Variants in EPHA3 observed in about 807,000 individuals in gnomAD.
EPHA3 encodes EPH receptor A3.
In EPHA3, 42 loss-of-function variants were observed where a neutral mutation model predicts 107.1. The ratio of observed to expected loss-of-function variants is 0.39; its 90% CI spans 0.31 to 0.51. The LOEUF (loss-of-function observed/expected upper bound fraction) is 0.51, where lower values mean the gene tolerates loss of function less well. Ranked by LOEUF, EPHA3 falls within the 20% of genes least tolerant of loss-of-function variation. EPHA3 has a pLI of 0.78. For missense variants in EPHA3, 1,183 were observed against 1,211.2 expected, an observed-to-expected ratio of 0.98 and a Z score of 0.35; for synonymous variants, 461 against 424.8, an observed-to-expected ratio of 1.09 and a Z score of -1.05.
chr3:89,342,012 G>A lies in EPHA3; in HGVS notation c.1228G>A (p.Asp410Asn), dbSNP rs1707537340. The change falls in exon 5 of 17, where the codon GAT (aspartate) becomes AAT (asparagine). Residue 410 changes from aspartate (D) to asparagine (N), a missense_variant. Physicochemically the swap from Asp to Asn is conservative, Grantham distance 23. Coordinates refer to ENST00000336596, the MANE Select transcript of EPHA3 (RefSeq NM_005233.6). ...LAHTNYTFEI[D>N]AVNGVSELSS... ...ACATACTAACTACACCTTTGAGATT[G>A]ATGCCGTTAATGGGGTGTCAGAGCT... The A allele has an allele frequency of 6.2e-7, 1 of 1,612,498 alleles. No homozygotes were observed. The highest frequency in any genetic ancestry group is 8.5e-7 in the Non-Finnish European group (1 of 1,179,722).
intron 1 of EPHA3, among the ~76,000 whole-genome samples, chr3:89,113,738 TGG>T (rs140518086): frequency 7.1e-6 from 1 of 141,476 alleles, no homozygotes; most frequent in Admixed American, 7.5e-5. Flanking sequence ...GGGGTTGAGG[TGG>T]GGGGGGGCTG....
intron 6 of EPHA3, among the ~76,000 whole-genome samples, chr3:89,396,602 C>T (rs757279319): frequency 8.9e-4 from 135 of 152,056 alleles, no homozygotes; most frequent in Non-Finnish European, 1.4e-3. Flanking sequence ...AGTGGAGTGG[C>T]GAGTATTCCA....
intron 5 of EPHA3, among the ~76,000 whole-genome samples, chr3:89,342,703 G>A (rs1411429591): frequency 2.0e-5 from 3 of 152,012 alleles, no homozygotes; most frequent in African/African-American, 7.3e-5. Flanking sequence ...ACTGATAAAT[G>A]AGTAATAAAC....
intron 3 of EPHA3, among the ~76,000 whole-genome samples, chr3:89,259,722 T>C (rs1419259549): frequency 2.6e-5 from 4 of 152,180 alleles, no homozygotes; most frequent in Non-Finnish European, 2.9e-5. Context: ...AAATTTCTAA[T>C]ACAATATAAT....
At chr3:89,437,542 T>A (rs1709697512) in intron 13 of EPHA3, among the ~76,000 whole-genome samples, 1 of 152,228 alleles carries the variant, frequency 6.6e-6, no homozygotes, top group South Asian at 2.1e-4. Flanking sequence ...TACTTCATTC[T>A]AACAGAATCA....
At chr3:89,152,035 T>C (rs1470246558) in intron 2 of EPHA3, among the ~76,000 whole-genome samples, 2 of 152,082 alleles carry the variant, frequency 1.3e-5, no homozygotes, top group African/African-American at 4.8e-5. Flanking sequence ...GAAATGTTTG[T>C]TTTAATGAAG....
chr3:89,422,087 G>A (rs1324439016), intron 11 of EPHA3, among the ~76,000 whole-genome samples: 1 of 150,828 alleles, frequency 6.6e-6, no homozygotes, highest in Non-Finnish European at 1.5e-5. Context: ...CCTAGAATTA[G>A]ATTTTGAACT....
intron 3 of EPHA3, among the ~76,000 whole-genome samples, chr3:89,273,057 T>A (rs1705717600): frequency 1.3e-5 from 2 of 151,950 alleles, no homozygotes. Flanking sequence ...AGGCCAAAAA[T>A]ACATTTGGTT....
intron 9 of EPHA3, among the ~76,000 whole-genome samples, chr3:89,411,045 TTAA>T (rs1372435671): frequency 6.6e-6 from 1 of 151,878 alleles, no homozygotes; most frequent in Non-Finnish European, 1.5e-5. Context: ...ATCAATTATA[TTAA>T]TAATTGTAAA....
Position 89,399,186 on chromosome 3 carries a change from A to G in EPHA3, c.1432-132A>G, listed in dbSNP as rs1576358516. The G allele has an allele frequency of 6.9e-6, 6 of 866,018 alleles. No homozygotes were observed. The East Asian group carries it at 1.1e-4, about 15-fold the overall frequency. 53.6% of individuals were successfully genotyped at this position (866,018 alleles called of 1,614,324 possible). On this transcript the variant is annotated intron_variant, in intron 6 of 16. Coordinates refer to ENST00000336596, the MANE Select transcript of EPHA3 (RefSeq NM_005233.6). ...GAATAAAATAATTGAAATAATCGATATGACTTTTTAAATCCATCCTATGAT... is the reference window on the plus strand; with the variant it reads ...GAATAAAATAATTGAAATAATCGATGTGACTTTTTAAATCCATCCTATGAT...
intron 3 of EPHA3, among the ~76,000 whole-genome samples, chr3:89,285,317 A>G (rs1272234246): frequency 6.6e-6 from 1 of 152,128 alleles, no homozygotes; most frequent in Non-Finnish European, 1.5e-5. Flanking sequence ...TCATTTACTC[A>G]GTAAATATTG....
rs555402176 is a variant in EPHA3 at position 89,230,648 on chromosome 3, C to A, written c.814+20128C>A. Among the ~76,000 whole-genome samples the A allele has an allele frequency of 1.3e-3, 199 of 152,118 alleles. 1 individual carries two copies. The highest frequency in any genetic ancestry group is 4.6e-3 in the Admixed American group (70 of 15,242). ...GTTGTTTAGTTGTTTGTGTTTCGGG[C>A]AGTATCAGGGAAAGAATTTTGATCA... On this transcript the variant is annotated intron_variant, in intron 3 of 16. Transcript: ENST00000336596.
intron 3 of EPHA3, among the ~76,000 whole-genome samples, chr3:89,313,505 C>A (rs1262330761): frequency 6.6e-6 from 1 of 151,826 alleles, no homozygotes; most frequent in Non-Finnish European, 1.5e-5. Context: ...GACCTTCTTG[C>A]ATTATCTGTT....
chr3:89,367,026 T>C (rs1576339119), intron 5 of EPHA3, among the ~76,000 whole-genome samples: 2 of 150,600 alleles, frequency 1.3e-5, no homozygotes, highest in East Asian at 3.9e-4. Context: ...TCATCAACCC[T>C]CATCTTGATT....
At chr3:89,137,429 C>A (rs1310967037) in intron 2 of EPHA3, among the ~76,000 whole-genome samples, 4 of 151,738 alleles carry the variant, frequency 2.6e-5, no homozygotes, top group Non-Finnish European at 5.9e-5. Flanking sequence ...TGCTTAGTTT[C>A]TTTTGAAAGA....
chr3:89,187,344 AAAT>A (rs1398254128), intron 2 of EPHA3, among the ~76,000 whole-genome samples: 1 of 148,564 alleles, frequency 6.7e-6, no homozygotes, highest in Non-Finnish European at 1.5e-5. Flanking sequence ...AAATATTAAT[AAAT>A]AATATACATT....
intron 2 of EPHA3, among the ~76,000 whole-genome samples, chr3:89,129,153 AT>A (rs1704148784): frequency 6.6e-6 from 1 of 152,134 alleles, no homozygotes; most frequent in Non-Finnish European, 1.5e-5. Context: ...ACCTCTTCAC[AT>A]TTCCCATCTC....
chr3:89,310,556 C>A (rs1706740930), intron 3 of EPHA3, among the ~76,000 whole-genome samples: 1 of 151,766 alleles, frequency 6.6e-6, no homozygotes, highest in Non-Finnish European at 1.5e-5. Flanking sequence ...GTCTTACATC[C>A]TCCAAATACC....
chr3:89,431,606 A>T (rs1032346377), intron 13 of EPHA3, among the ~76,000 whole-genome samples: 1 of 152,268 alleles, frequency 6.6e-6, no homozygotes, highest in East Asian at 1.9e-4. Flanking sequence ...AAGCAGCAAG[A>T]TTCTCACATT....
Sources: allele counts gnomAD v4.1 joint callset (sites outside exome capture counted in the v4.1 genomes callset), GRCh38; gene constraint gnomAD v4.1.1; transcripts MANE v1.5; gene names NCBI Gene and HGNC (gene_info 2026-07-23, HGNC 2026-07-21).